The following ZPLD1 variants were observed in gnomAD, a reference collection of about 807,000 sequenced individuals.
ZPLD1 encodes zona pellucida-like domain-containing protein 1.
In ZPLD1, 34 loss-of-function variants were observed where a neutral mutation model predicts 47.2. That is an observed-to-expected ratio of 0.72 (90% CI 0.55 to 0.96). The LOEUF (loss-of-function observed/expected upper bound fraction) is 0.96, where lower values mean the gene tolerates loss of function less well. Among genes scored for constraint, ZPLD1 ranks in the 40% least tolerant of loss-of-function variants. The probability of loss-of-function intolerance (pLI) is 0.00; values close to 1 mark genes in which losing one functional copy is unlikely to be tolerated. For synonymous variants in ZPLD1, 176 were observed against 186.2 expected (o/e 0.95, Z 0.45); for missense variants, 512 against 505.8 (o/e 1.01, Z -0.12).
At chr3:102,430,096 C>T (rs1219372221), upstream of ZPLD1, among the ~76,000 whole-genome samples, 5 of 152,172 alleles carry the variant, frequency 3.3e-5, no homozygotes, top group South Asian at 2.1e-4. Flanking sequence ...AGGTGTAGCC[C>T]GGCCCTGCTG....
upstream of ZPLD1, among the ~76,000 whole-genome samples, chr3:102,431,177 G>A (rs576833902): frequency 6.6e-6 from 1 of 152,280 alleles, no homozygotes; most frequent in South Asian, 2.1e-4. Flanking sequence ...GACAAATGAG[G>A]AAGGCAGGCA....
At chr3:102,413,551 T>C (rs1706769942) in intron 7 of ZPLD1, among the ~76,000 whole-genome samples, 2 of 151,790 alleles carry the variant, frequency 1.3e-5, no homozygotes, top group African/African-American at 4.8e-5. Context: ...AAATTAAGTA[T>C]ATGGTGCTTT....
chr3:102,475,110 T>C (rs1010981922), intron 10 of ZPLD1, among the ~76,000 whole-genome samples: 7 of 152,016 alleles, frequency 4.6e-5, no homozygotes. Flanking sequence ...TATTCAAATA[T>C]CACAGGTTTC....
At chr3:102,443,072 T>C (rs548534814) in intron 3 of ZPLD1, among the ~76,000 whole-genome samples, 1 of 152,158 alleles carries the variant, frequency 6.6e-6, no homozygotes, top group Non-Finnish European at 1.5e-5. Context: ...GCCCCCTTCT[T>C]TGGAAGTATA....
At chr3:102,399,109 C>T (rs951805073) in intron 7 of ZPLD1, among the ~76,000 whole-genome samples, 1 of 152,138 alleles carries the variant, frequency 6.6e-6, no homozygotes, top group Non-Finnish European at 1.5e-5. Flanking sequence ...CACATTTGCC[C>T]TGTGATCACA....
intron 8 of ZPLD1, among the ~76,000 whole-genome samples, chr3:102,425,539 G>A (rs1706934896): frequency 6.6e-6 from 1 of 152,084 alleles, no homozygotes; most frequent in South Asian, 2.1e-4. Flanking sequence ...TTTTGACAGA[G>A]ATCATTGCTA....
chr3:102,475,983 C>T (rs1707753016), intron 10 of ZPLD1, among the ~76,000 whole-genome samples: 1 of 152,006 alleles, frequency 6.6e-6, no homozygotes, highest in East Asian at 1.9e-4. Flanking sequence ...TAGAAAAAGG[C>T]CTCTGAAACT....
In ZPLD1 at chr3:102,448,804, A is replaced by T. The variant is rs146756940; in HGVS notation, c.107-4115A>T. Among the ~76,000 whole-genome samples, 40 of 152,334 alleles carry T rather than the reference A, an allele frequency of 2.6e-4. 2 individuals carry two copies. In the East Asian group the frequency reaches 7.7e-3, roughly 29 times the overall value. Reference sequence around the variant, plus strand: ...AATCCCCTTAAACAGAGCTGAGGAAACTGGTCTTTAGTTGGTTTATGTTAA... The same window carrying T: ...AATCCCCTTAAACAGAGCTGAGGAATCTGGTCTTTAGTTGGTTTATGTTAA... On this transcript the variant is annotated intron_variant, in intron 3 of 11. Transcript: ENST00000466937.
chr3:102,430,164 C>T (rs1707000639), upstream of ZPLD1, among the ~76,000 whole-genome samples: 2 of 152,078 alleles, frequency 1.3e-5, 1 homozygote, highest in South Asian at 4.1e-4. Flanking sequence ...GGACTTTCTT[C>T]CAAAAAAGTT....
At chr3:102,456,845 A>G (rs1707424977) in intron 5 of ZPLD1, among the ~76,000 whole-genome samples, 1 of 152,160 alleles carries the variant, frequency 6.6e-6, no homozygotes. Context: ...AGATTCTGGG[A>G]TCTCCATTCC....
chr3:102,478,310 A>G lies in ZPLD1; in HGVS notation c.*692A>G, dbSNP rs1246323200. ...ATTCATTAGAATAGGAATGGCTGCG[A>G]TCAGTTTTCTTCTTCTGGTTCAGGT... On this transcript the variant is annotated 3_prime_UTR_variant, in exon 12 of 12. Coordinates refer to ENST00000466937, the MANE Select transcript of ZPLD1 (RefSeq NM_001329788.2). 4 of 152,210 alleles carry G rather than the reference A, an allele frequency of 2.6e-5. No individual in the cohort carries two copies. In the East Asian group the frequency reaches 7.7e-4, roughly 29 times the overall value. 9.4% of individuals were successfully genotyped at this position (152,210 alleles called of 1,614,324 possible). A position where few individuals can be genotyped will look rare whatever the true frequency, so the allele number is the denominator to read the frequency against.
chr3:102,451,178 GA>G (rs1005046980), intron 3 of ZPLD1, among the ~76,000 whole-genome samples: 3 of 151,934 alleles, frequency 2.0e-5, no homozygotes, highest in East Asian at 3.9e-4. Context: ...ACTTTGCTAG[GA>G]AAAAAACCCA....
intron 8 of ZPLD1, among the ~76,000 whole-genome samples, chr3:102,426,151 C>A (rs1462206162): frequency 1.3e-5 from 2 of 151,618 alleles, no homozygotes; most frequent in Non-Finnish European, 2.9e-5. Context: ...CACACACACA[C>A]ACACACATGC....
At chr3:102,469,763 G>T (rs1707653053) in intron 9 of ZPLD1, among the ~76,000 whole-genome samples, 1 of 152,112 alleles carries the variant, frequency 6.6e-6, no homozygotes, top group Admixed American at 6.5e-5. Context: ...GAGCTTAAAA[G>T]TTAAAAGCAA....
Position 102,436,914 on chromosome 3 carries a change from CAGG to C in ZPLD1, c.-65_-63del. 1 of 985,416 alleles carries C rather than the reference CAGG, an allele frequency of 1.0e-6. No homozygotes were observed. Among genetic ancestry groups the C allele is most frequent in the Non-Finnish European group, 1.2e-6 (1 of 829,954 alleles). 61.0% of individuals were successfully genotyped at this position (985,416 alleles called of 1,614,324 possible). ...TGGGTCTAGAGTTTCCAATGTCTTC[CAGG>C]AGTTCTTGGGACCCATCATGAGAAG... On this transcript the variant is annotated 5_prime_UTR_variant, in exon 2 of 12. Coordinates refer to ENST00000466937, the MANE Select transcript of ZPLD1 (RefSeq NM_001329788.2).
At chr3:102,424,379 T>A (rs1277276880) in intron 8 of ZPLD1, among the ~76,000 whole-genome samples, 3 of 152,196 alleles carry the variant, frequency 2.0e-5, no homozygotes, top group Non-Finnish European at 4.4e-5. Context: ...CTATTCCCTC[T>A]AATTCCTTAC....
At chr3:102,421,225 G>A (rs935188689) in intron 8 of ZPLD1, among the ~76,000 whole-genome samples, 1 of 151,822 alleles carries the variant, frequency 6.6e-6, no homozygotes, top group Non-Finnish European at 1.5e-5. Context: ...CTATCTCTCA[G>A]TTGAACACAC....
At chr3:102,390,253 A>G (rs949675514) in intron 6 of ZPLD1, among the ~76,000 whole-genome samples, 1 of 152,188 alleles carries the variant, frequency 6.6e-6, no homozygotes, top group Non-Finnish European at 1.5e-5. Context: ...CGTGCTTTCT[A>G]CTCTAACTAA....
At chr3:102,409,816 G>A (rs1450107310) in intron 7 of ZPLD1, among the ~76,000 whole-genome samples, 5 of 151,694 alleles carry the variant, frequency 3.3e-5, no homozygotes, top group Non-Finnish European at 7.4e-5. Context: ...ACTGTGGATC[G>A]AAGTCAAATA....
Sources: allele counts gnomAD v4.1 joint callset (sites outside exome capture counted in the v4.1 genomes callset), GRCh38; gene constraint gnomAD v4.1.1; transcripts MANE v1.5; gene names NCBI Gene and HGNC (gene_info 2026-07-23, HGNC 2026-07-21).